The following MYO10 variants were observed in gnomAD, a reference collection of about 807,000 sequenced individuals.
The protein encoded by MYO10 is myosin X, also known as unconventional myosin-X.
Under a neutral mutation model 257.3 loss-of-function variants are expected in MYO10, and 133 were observed. That is an observed-to-expected ratio of 0.52 (90% CI 0.45 to 0.60). MYO10 has a LOEUF of 0.60. Among genes scored for constraint, MYO10 ranks in the 20% least tolerant of loss-of-function variants. MYO10 has a pLI of 0.00. For missense variants in MYO10, 2,399 were observed against 2,635.7 expected, an observed-to-expected ratio of 0.91 and a Z score of 1.97; for synonymous variants, 1,104 against 1,028.6, an observed-to-expected ratio of 1.07 and a Z score of -1.40.
intron 1 of MYO10, among the ~76,000 whole-genome samples, chr5:16,935,387 C>G (rs1042728544): frequency 6.6e-6 from 1 of 152,206 alleles, no homozygotes; most frequent in African/African-American, 2.4e-5. Context: ...AAATACCAGA[C>G]AAGACCTTTC....
At position 16,702,535 on chromosome 5, in the gene MYO10, C is replaced by A; in HGVS notation, c.2556+8G>T. On this transcript the variant is annotated splice_region_variant and intron_variant, in intron 24 of 40. Transcript: ENST00000513610. Reference sequence around the variant, plus strand: ...CACAAGAGGCTAAGTTGTCACTGCACTCATTACCTGCTGGGCGCGGAGCTC... The same window carrying A: ...CACAAGAGGCTAAGTTGTCACTGCAATCATTACCTGCTGGGCGCGGAGCTC... The A allele has an allele frequency of 6.3e-7, 1 of 1,589,840 alleles. No homozygotes were observed. The highest frequency in any genetic ancestry group is 1.8e-5 in the Admixed American group (1 of 56,474).
Position 16,932,849 on chromosome 5 carries a change from T to C in MYO10, c.21+2939A>G, listed in dbSNP as rs142459550. 1.4e-3 allele frequency among the ~76,000 whole-genome samples: 208 copies of C among 152,332 alleles called. 1 individual carries two copies. The highest frequency in any genetic ancestry group is 4.8e-3 in the African/African-American group (201 of 41,584). On this transcript the variant is annotated intron_variant, in intron 1 of 40. Transcript: ENST00000513610. ...GCTCTGGAGCGCAGCGGTGCAATCA[T>C]GGTTCACTGCAGCCTGGACCTCCTG...
intron 3 of MYO10, among the ~76,000 whole-genome samples, chr5:16,808,396 C>G (rs1375585727): frequency 2.0e-5 from 3 of 152,114 alleles, no homozygotes; most frequent in Non-Finnish European, 4.4e-5. Context: ...CTGCTTGAGC[C>G]CAGGAGTTGG....
chr5:16,913,227 T>C (rs1580144213), intron 1 of MYO10, among the ~76,000 whole-genome samples: 2 of 152,096 alleles, frequency 1.3e-5, no homozygotes, highest in Admixed American at 6.6e-5. Flanking sequence ...AAGACAAAGA[T>C]ACAAGCCACT....
intron 19 of MYO10, among the ~76,000 whole-genome samples, chr5:16,723,265 G>GTA (rs879772337): frequency 3.9e-5 from 6 of 152,072 alleles, no homozygotes; most frequent in Non-Finnish European, 8.8e-5. Context: ...GTGGGCACCT[G>GTA]TAGTTCCAGC....
intron 39 of MYO10, among the ~76,000 whole-genome samples, chr5:16,669,782 A>G (rs1736357728): frequency 6.6e-6 from 1 of 152,218 alleles, no homozygotes; most frequent in Non-Finnish European, 1.5e-5. Context: ...TACTGTGATC[A>G]TAAAAAATGG....
At chr5:16,774,841 G>C (rs113327712) in intron 9 of MYO10, among the ~76,000 whole-genome samples, 28 of 152,122 alleles carry the variant, frequency 1.8e-4, no homozygotes, top group Non-Finnish European at 3.7e-4. Flanking sequence ...TTCACAACAT[G>C]AAAGTAAAAA....
At chr5:16,813,427 C>T (rs1742501438) in intron 3 of MYO10, among the ~76,000 whole-genome samples, 1 of 151,572 alleles carries the variant, frequency 6.6e-6, no homozygotes, top group African/African-American at 2.4e-5. Flanking sequence ...ATATTATATA[C>T]TGTAGTACTA....
chr5:16,778,601 G>A (rs909520777), intron 9 of MYO10, among the ~76,000 whole-genome samples: 4 of 151,942 alleles, frequency 2.6e-5, no homozygotes, highest in Admixed American at 2.6e-4. Context: ...GGGAAGAGAA[G>A]CCTGCTCTCT....
rs1314921538 is a variant in MYO10 at position 16,665,312 on chromosome 5, T to C, written c.*1380A>G. On this transcript the variant is annotated 3_prime_UTR_variant, in exon 41 of 41. Transcript: ENST00000513610. Reference sequence around the variant, plus strand: ...GAAACACACAGCGTGTTAGCTAGTATCTTTTATTGTCAGAACTTCTGTGAG... The same window carrying C: ...GAAACACACAGCGTGTTAGCTAGTACCTTTTATTGTCAGAACTTCTGTGAG... The C allele has an allele frequency of 2.0e-5, 3 of 152,142 alleles. No homozygotes were observed. Among genetic ancestry groups the C allele is most frequent in the Non-Finnish European group, 4.4e-5 (3 of 68,036 alleles). 9.4% of individuals were successfully genotyped at this position (152,142 alleles called of 1,614,324 possible). A position where few individuals can be genotyped will look rare whatever the true frequency, so the allele number is the denominator to read the frequency against.
In MYO10 at chr5:16,761,458, A is replaced by ACATAC. The variant is rs1204164051; in HGVS notation, c.1739+1_1739+5dup. The stretch of plus-strand genomic sequence containing the variant: ...TAAGTACTTCTCGGTGAGAAGACTG[A>ACATAC]CATACCGGCTTTCTCTTAGCAAATT... On this transcript the variant is annotated splice_donor_region_variant and intron_variant, in intron 17 of 40. Transcript: ENST00000513610. The ACATAC allele has an allele frequency of 6.2e-7, 1 of 1,605,676 alleles. No homozygotes were observed. Among genetic ancestry groups the ACATAC allele is most frequent in the East Asian group, 2.2e-5 (1 of 44,804 alleles).
chr5:16,777,401 A>C (rs1447708438), intron 9 of MYO10, among the ~76,000 whole-genome samples: 1 of 152,192 alleles, frequency 6.6e-6, no homozygotes, highest in Non-Finnish European at 1.5e-5. Context: ...TGTTAGCCAT[A>C]GAGAAATGAT....
At position 16,671,467 on chromosome 5, in the gene MYO10, G is replaced by A. The variant is rs754672773; in HGVS notation, c.5385C>T (p.Asp1795=). Residue 1795 remains aspartate, a synonymous_variant, in exon 38 of 41, where the codon GAC becomes GAT. Transcript: ENST00000513610. ...ACTCCACACTGTCTTTTGGCACGTT[G>A]TCTGTGTCCAGGAAGCAGTAAAGTT... ...YFKLYCFLDT[D]NVPKDSVEFA... 5.0e-6 allele frequency: 8 copies of A among 1,613,860 alleles called. No homozygotes were observed. The South Asian group carries it at 7.7e-5, about 16-fold the overall frequency.
At chr5:16,904,305 C>T (rs1745461797) in intron 1 of MYO10, among the ~76,000 whole-genome samples, 1 of 152,118 alleles carries the variant, frequency 6.6e-6, no homozygotes, top group Non-Finnish European at 1.5e-5. Flanking sequence ...TTGTGATATC[C>T]TTTACCACTA....
intron 2 of MYO10, among the ~76,000 whole-genome samples, chr5:16,836,201 C>T (rs549819956): frequency 1.3e-5 from 2 of 152,248 alleles, no homozygotes; most frequent in South Asian, 4.1e-4. Flanking sequence ...TGGTGATATC[C>T]TTGTAATCTT....
chr5:16,756,077 T>G (rs1186669092), intron 18 of MYO10, among the ~76,000 whole-genome samples: 2 of 152,100 alleles, frequency 1.3e-5, no homozygotes, highest in Non-Finnish European at 2.9e-5. Context: ...ATTTTATTAT[T>G]TATTTATTTA....
At chr5:16,756,658 C>T (rs1439423128) in intron 18 of MYO10, among the ~76,000 whole-genome samples, 5 of 152,164 alleles carry the variant, frequency 3.3e-5, no homozygotes, top group African/African-American at 9.7e-5. Flanking sequence ...TCCTGTCCGG[C>T]TGGTGTTCTA....
intron 19 of MYO10, among the ~76,000 whole-genome samples, chr5:16,754,336 T>G (rs1439340330): frequency 6.6e-6 from 1 of 152,014 alleles, no homozygotes; most frequent in African/African-American, 2.4e-5. Context: ...ATGACAACCT[T>G]TAGAGTGCTT....
chr5:16,912,746 A>G (rs1041153709), intron 1 of MYO10, among the ~76,000 whole-genome samples: 7 of 144,222 alleles, frequency 4.9e-5, no homozygotes, highest in Non-Finnish European at 9.0e-5. Flanking sequence ...TGGGTTGAGT[A>G]TTCTGTTTAT....
Sources: allele counts gnomAD v4.1 joint callset (sites outside exome capture counted in the v4.1 genomes callset), GRCh38; gene constraint gnomAD v4.1.1; transcripts MANE v1.5; gene names NCBI Gene and HGNC (gene_info 2026-07-23, HGNC 2026-07-21).